The following GIGYF2 variants were observed in gnomAD, a reference collection of about 807,000 sequenced individuals.
GIGYF2 encodes GRB10-interacting GYF protein 2.
GIGYF2 carries 25 observed loss-of-function variants against 208.1 expected under a neutral mutation model. That is an observed-to-expected ratio of 0.12 (90% confidence interval 0.09 to 0.17). The LOEUF (loss-of-function observed/expected upper bound fraction) is 0.17, where lower values mean the gene tolerates loss of function less well. GIGYF2 is among the 10% of genes least tolerant of loss of function. The pLI is 1.00. For synonymous variants in GIGYF2, 534 were observed against 543.8 expected, an observed-to-expected ratio of 0.98 and a Z score of 0.25; for missense variants, 1,302 against 1,579.4, an observed-to-expected ratio of 0.82 and a Z score of 2.98.
intron 5 of GIGYF2, among the ~76,000 whole-genome samples, chr2:232,752,865 G>C (rs1698387272): frequency 6.6e-6 from 1 of 151,942 alleles, no homozygotes; most frequent in Non-Finnish European, 1.5e-5. Context: ...GATAATACTT[G>C]TATATATACC....
intron 4 of GIGYF2, 136 bp downstream of exon 4, chr2:232,747,880 T>C: frequency 1.2e-6 from 1 of 813,228 alleles, no homozygotes; most frequent in Non-Finnish European, 2.0e-6. Flanking sequence ...TTTCCCTGCT[T>C]TGAAGCCTGC....
intron 8 of GIGYF2, among the ~76,000 whole-genome samples, chr2:232,782,255 G>A (rs1423731913): frequency 6.6e-6 from 1 of 152,014 alleles, no homozygotes; most frequent in Non-Finnish European, 1.5e-5. Context: ...CAGAGATGAG[G>A]TCTCACCATG....
At chr2:232,813,685 G>A (rs1217307096) in intron 18 of GIGYF2, among the ~76,000 whole-genome samples, 6 of 152,040 alleles carry the variant, frequency 3.9e-5, no homozygotes, top group Admixed American at 6.6e-5. Flanking sequence ...CACTGACCCC[G>A]CAGATTATTG....
At chr2:232,823,779 A>G (rs889024114) in intron 21 of GIGYF2, among the ~76,000 whole-genome samples, 18 of 152,174 alleles carry the variant, frequency 1.2e-4, no homozygotes, top group Non-Finnish European at 2.4e-4. Context: ...TTATTTCTTC[A>G]TTGAATAGAG....
Position 232,806,459 on chromosome 2 carries a change from A to G in GIGYF2, c.1640-32A>G. The G allele has an allele frequency of 5.4e-6, 8 of 1,481,128 alleles. No homozygotes were observed. The highest frequency in any genetic ancestry group is 2.3e-5 in the East Asian group (1 of 44,278). 91.7% of individuals were successfully genotyped at this position (1,481,128 alleles called of 1,614,324 possible). ...TCTCTTTGAGTCTGAAAGGTTTCTTATTGTCTTTCTGTTTAATTGGTGCTG... is the reference window on the plus strand; with the variant it reads ...TCTCTTTGAGTCTGAAAGGTTTCTTGTTGTCTTTCTGTTTAATTGGTGCTG... On this transcript the variant is annotated intron_variant, in intron 14 of 28. Coordinates refer to ENST00000373563, the MANE Select transcript of GIGYF2 (RefSeq NM_001103146.3). This position sits in a 1 kb window ranked among gnomAD's most constrained non-coding sequence, Gnocchi z 4.0.
chr2:232,774,926 T>G (rs941690990), intron 8 of GIGYF2, among the ~76,000 whole-genome samples: 1 of 152,252 alleles, frequency 6.6e-6, no homozygotes, highest in African/African-American at 2.4e-5. Context: ...GGACTGTTGT[T>G]ACTTCTTACC....
chr2:232,774,753 G>A (rs1699440839), intron 8 of GIGYF2, among the ~76,000 whole-genome samples: 1 of 152,136 alleles, frequency 6.6e-6, no homozygotes, highest in Non-Finnish European at 1.5e-5. Context: ...CCTACTGAAT[G>A]CTGCTAAGTG....
intron 21 of GIGYF2, 85 bp from the exon 22 acceptor site, chr2:232,832,772 T>C (rs1315909962): frequency 1.4e-5 from 14 of 988,784 alleles, no homozygotes; most frequent in Middle Eastern, 3.1e-4. Flanking sequence ...CTATAGCCAT[T>C]TGACAGAAGC....
intron 2 of GIGYF2, among the ~76,000 whole-genome samples, chr2:232,721,887 C>G (rs1696958961): frequency 6.6e-6 from 1 of 152,190 alleles, no homozygotes; most frequent in African/African-American, 2.4e-5. Context: ...TTGTCTTTTA[C>G]TTTCATCTCT....
At chr2:232,708,076 C>T (rs1189381960) in intron 2 of GIGYF2, among the ~76,000 whole-genome samples, 5 of 152,144 alleles carry the variant, frequency 3.3e-5, no homozygotes, top group African/African-American at 7.2e-5. Context: ...GATCCTCCCA[C>T]CTCAGCCTCC....
chr2:232,845,614 A>G (rs990795681), intron 25 of GIGYF2, 118 bp from the exon 26 acceptor site: 1 of 903,106 alleles, frequency 1.1e-6, no homozygotes, highest in African/African-American at 1.6e-5. Context: ...GGAGCCAAGC[A>G]TTGGATTATT....
chr2:232,791,865 A>T (rs1362770009), intron 12 of GIGYF2, among the ~76,000 whole-genome samples: 3 of 152,250 alleles, frequency 2.0e-5, no homozygotes, highest in Non-Finnish European at 4.4e-5. Context: ...AGTAGAGAAC[A>T]TATGTGAATC....
chr2:232,855,121 C>G (rs1480602859), intron 28 of GIGYF2, among the ~76,000 whole-genome samples: 1 of 120,212 alleles, frequency 8.3e-6, no homozygotes, highest in East Asian at 2.7e-4. Flanking sequence ...AGGTCTCACT[C>G]TGTTGCCCAG....
chr2:232,825,522 T>C lies in GIGYF2; in HGVS notation c.2529+5537T>C, dbSNP rs991164984. Among the ~76,000 whole-genome samples, 4 of 152,178 alleles carry C rather than the reference T, an allele frequency of 2.6e-5. No individual in the cohort carries two copies. The South Asian group carries it at 8.3e-4, about 32-fold the overall frequency. ...TGAAGATGTGACTAAATTGCTATAA[T>C]CTCATGGTAAAGTTTGAATGTGTCA... On this transcript the variant is annotated intron_variant, in intron 21 of 28. Transcript: ENST00000373563.
chr2:232,757,960 G>T (rs913678002), intron 6 of GIGYF2, among the ~76,000 whole-genome samples: 1 of 152,130 alleles, frequency 6.6e-6, no homozygotes, highest in Non-Finnish European at 1.5e-5. Context: ...ACATATGTAA[G>T]AAGTCATGAC....
rs145498913 is a variant in GIGYF2, at chr2:232,770,329, A to G, written c.532+8893A>G. ...TTTCTGTGTTCATGAGCAAAATTTC[A>G]TAATCTTTGTGGACATATTTCCAGT... On this transcript the variant is annotated intron_variant, in intron 8 of 28. Transcript: ENST00000373563. Among the ~76,000 whole-genome samples the G allele has an allele frequency of 6.6e-4, 100 of 152,342 alleles. No homozygotes were observed. In the East Asian group the frequency reaches 0.018, roughly 28 times the overall value.
intron 15 of GIGYF2, among the ~76,000 whole-genome samples, chr2:232,807,726 T>C (rs1440561444): frequency 1.3e-5 from 2 of 152,160 alleles, no homozygotes; most frequent in Non-Finnish European, 2.9e-5. Flanking sequence ...TAGTTAAAAG[T>C]TACCATAAAC....
chr2:232,834,212 A>G (rs934794461), intron 22 of GIGYF2, among the ~76,000 whole-genome samples: 1 of 152,166 alleles, frequency 6.6e-6, no homozygotes, highest in Non-Finnish European at 1.5e-5. Context: ...CAAGTAGCTC[A>G]CAGGTTAGAC....
chr2:232,845,047 G>A (rs1055163091), intron 25 of GIGYF2, among the ~76,000 whole-genome samples: 6 of 151,912 alleles, frequency 3.9e-5, no homozygotes, highest in African/African-American at 1.2e-4. Context: ...GTTGTTGAAC[G>A]AGCATGGGTT....
Sources: allele counts gnomAD v4.1 joint callset (sites outside exome capture counted in the v4.1 genomes callset), GRCh38; gene constraint gnomAD v4.1.1; non-coding constraint Gnocchi (gnomAD v3.1); transcripts MANE v1.5; gene names NCBI Gene and HGNC (gene_info 2026-07-23, HGNC 2026-07-21).